The following ZNF891 variants were observed in gnomAD, a reference collection of about 807,000 sequenced individuals.
The protein encoded by ZNF891 is hCG1646157.
For missense variants in ZNF891, 589 were observed against 632.7 expected (o/e 0.93, Z 0.74); for synonymous variants, 199 against 209.0 (o/e 0.95, Z 0.41).
chr12:133,127,261 G>A (rs543930637), intron 1 of ZNF891, among the ~76,000 whole-genome samples: 3 of 151,956 alleles, frequency 2.0e-5, no homozygotes, highest in Admixed American at 6.6e-5. Context: ...CACGGTGCCC[G>A]GCCAGAAACT....
At chr12:133,128,040 A>G (rs756549461) in intron 1 of ZNF891, among the ~76,000 whole-genome samples, 1 of 152,366 alleles carries the variant, frequency 6.6e-6, no homozygotes, top group African/African-American at 2.4e-5. Context: ...CTACATTATA[A>G]TATTTGTAAA....
rs1019780053 is a variant in ZNF891 at position 133,119,985 on chromosome 12, T to G, written c.*299A>C. 3 of 222,430 alleles carry G rather than the reference T, an allele frequency of 1.3e-5. No homozygotes were observed. The highest frequency in any genetic ancestry group is 2.3e-5 in the African/African-American group (1 of 43,602). The allele number at this position is 222,430 out of a possible 1,614,324, so 13.8% of individuals were successfully genotyped here. A position where few individuals can be genotyped will look rare whatever the true frequency, so the allele number is the denominator to read the frequency against. Reference sequence around the variant, plus strand: ...AGTCTCACTGGGCCAGAAAACAACTTTTATAAAAACACCAACAAAGCAGTA... The same window carrying G: ...AGTCTCACTGGGCCAGAAAACAACTGTTATAAAAACACCAACAAAGCAGTA... On this transcript the variant is annotated 3_prime_UTR_variant, in exon 2 of 2. Transcript: ENST00000537226.
At position 133,104,980 on chromosome 12, in the gene ZNF891, G is replaced by A. The variant is rs1464419654; in HGVS notation, c.*15304C>T. ...CCACCCTCAAATAGGTCCCAGAAAA[G>A]ACATAATTATACCAAATATGAGCTT... On this transcript the variant is annotated 3_prime_UTR_variant, in exon 2 of 2. Transcript: ENST00000537226. Among the ~76,000 whole-genome samples, 1 of 152,040 alleles carries A rather than the reference G, an allele frequency of 6.6e-6. No individual in the cohort carries two copies. The highest frequency in any genetic ancestry group is 2.4e-5 in the African/African-American group (1 of 41,394).
intron 1 of ZNF891, among the ~76,000 whole-genome samples, chr12:133,128,088 A>G (rs1295326743): frequency 6.6e-6 from 1 of 152,226 alleles, no homozygotes; most frequent in Non-Finnish European, 1.5e-5. Context: ...GAAAGAAGGC[A>G]GCCAAAGTTC....
intron 1 of ZNF891, among the ~76,000 whole-genome samples, chr12:133,127,004 G>A (rs1326672168): frequency 1.0e-4 from 12 of 117,428 alleles, no homozygotes; most frequent in African/African-American, 3.8e-4. Context: ...AGACGGAGTC[G>A]CCCAAGCTGG....
rs1432450722 is a variant in ZNF891, at chr12:133,119,323, C to A, written c.*961G>T. ...CTTTGGGACGCCTAGGTGGGTGGATCACCTGAGGTCAGGAGTTTGAGACCA... is the reference window on the plus strand; with the variant it reads ...CTTTGGGACGCCTAGGTGGGTGGATAACCTGAGGTCAGGAGTTTGAGACCA... On this transcript the variant is annotated 3_prime_UTR_variant, in exon 2 of 2. Coordinates refer to ENST00000537226, the MANE Select transcript of ZNF891 (RefSeq NM_001277291.2). The A allele has an allele frequency of 6.6e-6, 1 of 152,142 alleles. No individual in the cohort carries two copies. Among genetic ancestry groups the A allele is most frequent in the African/African-American group, 2.4e-5 (1 of 41,426 alleles). The allele number at this position is 152,142 out of a possible 1,614,324, so 9.4% of individuals were successfully genotyped here. A position where few individuals can be genotyped will look rare whatever the true frequency, so the allele number is the denominator to read the frequency against.
At position 133,105,701 on chromosome 12, in the gene ZNF891, GTC is replaced by G; in HGVS notation, c.*14581_*14582del. 1 of 1,614,160 alleles carries G rather than the reference GTC, an allele frequency of 6.2e-7. No individual in the cohort carries two copies. Among genetic ancestry groups the G allele is most frequent in the African/African-American group, 1.3e-5 (1 of 75,048 alleles). ...TCAGGGATGTATTAGGAAAGTAACA[GTC>G]TCTCATCAAGAAGCCCTGGCTCAAC... On this transcript the variant is annotated 3_prime_UTR_variant, in exon 2 of 2. Transcript: ENST00000537226.
In ZNF891 at chr12:133,108,770, ATACT is replaced by A. The variant is rs1468683889; in HGVS notation, c.*11510_*11513del. The A allele has an allele frequency of 6.6e-6, 1 of 152,254 alleles. No homozygotes were observed. 9.4% of individuals were successfully genotyped at this position (152,254 alleles called of 1,614,324 possible). A position where few individuals can be genotyped will look rare whatever the true frequency, so the allele number is the denominator to read the frequency against. On this transcript the variant is annotated 3_prime_UTR_variant, in exon 2 of 2. Coordinates refer to ENST00000537226, the MANE Select transcript of ZNF891 (RefSeq NM_001277291.2). The stretch of plus-strand genomic sequence containing the variant: ...TGGGAATGCCTTCAATTACAATGCA[ATACT>A]TAAATTTTAATACTCTTGTAGGAGA...
At position 133,119,837 on chromosome 12, in the gene ZNF891, AC is replaced by A. The variant is rs1955738494; in HGVS notation, c.*446del. ...ATCAGCAAGAATGAATGATATGGCT[AC>A]CCTTAGCTACAAGAAGTCAAAGAAG... On this transcript the variant is annotated 3_prime_UTR_variant, in exon 2 of 2. Coordinates refer to ENST00000537226, the MANE Select transcript of ZNF891 (RefSeq NM_001277291.2). 6.3e-6 allele frequency: 1 copy of A among 158,208 alleles called. No individual in the cohort carries two copies. Among genetic ancestry groups the A allele is most frequent in the Admixed American group, 6.0e-5 (1 of 16,586 alleles). The allele number at this position is 158,208 out of a possible 1,614,324, so 9.8% of individuals were successfully genotyped here.
In ZNF891 at chr12:133,105,732, T is replaced by C. The variant is rs1477594831; in HGVS notation, c.*14552A>G. On this transcript the variant is annotated 3_prime_UTR_variant, in exon 2 of 2. Coordinates refer to ENST00000537226, the MANE Select transcript of ZNF891 (RefSeq NM_001277291.2). ...CATCAAGAAGCCCTGGCTCAACATA[T>C]GAATATCAGTACTGTGGAGAGGCCC... 4.3e-6 allele frequency: 7 copies of C among 1,614,020 alleles called. No individual in the cohort carries two copies. The highest frequency in any genetic ancestry group is 3.3e-5 in the Admixed American group (2 of 60,010).
chr12:133,106,751 G>A lies in ZNF891; in HGVS notation c.*13533C>T, dbSNP rs1955615714. The A allele has an allele frequency of 9.0e-7, 1 of 1,105,700 alleles. No homozygotes were observed. 68.5% of individuals were successfully genotyped at this position (1,105,700 alleles called of 1,614,324 possible). On this transcript the variant is annotated 3_prime_UTR_variant, in exon 2 of 2. Transcript: ENST00000537226. ...TCTTGGAAAGAAGCCTTATGTGAAA[G>A]TGATGACTGTGAAGTAATATGGCCC...
chr12:133,117,304 T>C lies in ZNF891; in HGVS notation c.*2980A>G, dbSNP rs1023336245. On this transcript the variant is annotated 3_prime_UTR_variant, in exon 2 of 2. Transcript: ENST00000537226. ...GTAGTTTTGTAGCTAAATACAATACTACTGTTAGCAAAACTGAAGATCTAT... is the reference window on the plus strand; with the variant it reads ...GTAGTTTTGTAGCTAAATACAATACCACTGTTAGCAAAACTGAAGATCTAT... The C allele has an allele frequency of 1.3e-5, 2 of 152,258 alleles. No individual in the cohort carries two copies. Among genetic ancestry groups the C allele is most frequent in the African/African-American group, 4.8e-5 (2 of 41,478 alleles). The allele number at this position is 152,258 out of a possible 1,614,324, so 9.4% of individuals were successfully genotyped here.
In ZNF891 at chr12:133,112,236, AC is replaced by A. The variant is rs66727731; in HGVS notation, c.*8047del. 94,266 of 151,752 alleles carry A rather than the reference AC, an allele frequency of 0.62. 30,594 individuals are homozygous for A. Among genetic ancestry groups the A allele is most frequent in the African/African-American group, 0.79 (32,693 of 41,414 alleles). The allele number at this position is 151,752 out of a possible 1,614,324, so 9.4% of individuals were successfully genotyped here. A position where few individuals can be genotyped will look rare whatever the true frequency, so the allele number is the denominator to read the frequency against. Reference sequence around the variant, plus strand: ...TAGAAAGCTCTTCCTCTGTCCCTCCACCCTCTGCCCATGGAGCCAGAAGAAG... The same window carrying A: ...TAGAAAGCTCTTCCTCTGTCCCTCCACCTCTGCCCATGGAGCCAGAAGAAG... On this transcript the variant is annotated 3_prime_UTR_variant, in exon 2 of 2. Coordinates refer to ENST00000537226, the MANE Select transcript of ZNF891 (RefSeq NM_001277291.2).
chr12:133,113,395 A>G lies in ZNF891; in HGVS notation c.*6889T>C, dbSNP rs956722198. ...GGTGTTATGTCTTTCCATATTTTCA[A>G]TGCACACACACATATTTATAACATG... On this transcript the variant is annotated 3_prime_UTR_variant, in exon 2 of 2. Coordinates refer to ENST00000537226, the MANE Select transcript of ZNF891 (RefSeq NM_001277291.2). The G allele has an allele frequency of 2.6e-5, 4 of 152,014 alleles. No homozygotes were observed. The highest frequency in any genetic ancestry group is 7.2e-5 in the African/African-American group (3 of 41,450). 9.4% of individuals were successfully genotyped at this position (152,014 alleles called of 1,614,324 possible).
At chr12:133,122,593 T>C (rs1406205281) in intron 1 of ZNF891, among the ~76,000 whole-genome samples, 1 of 152,164 alleles carries the variant, frequency 6.6e-6, no homozygotes, top group African/African-American at 2.4e-5. Context: ...CTGGGGCCTG[T>C]CGGGTGAGGG....
In ZNF891 at chr12:133,105,521, A is replaced by G; in HGVS notation, c.*14763T>C. 1 of 1,598,580 alleles carries G rather than the reference A, an allele frequency of 6.3e-7. No homozygotes were observed. ...TTGGTATCTTTCAGTTTCAGAGTCA[A>G]GTGGTGAGATCAAAGACTTTTCACC... On this transcript the variant is annotated 3_prime_UTR_variant, in exon 2 of 2. Transcript: ENST00000537226.
chr12:133,105,457 T>C lies in ZNF891; in HGVS notation c.*14827A>G. 1 of 1,485,208 alleles carries C rather than the reference T, an allele frequency of 6.7e-7. No homozygotes were observed. The highest frequency in any genetic ancestry group is 8.9e-7 in the Non-Finnish European group (1 of 1,117,646). 92.0% of individuals were successfully genotyped at this position (1,485,208 alleles called of 1,614,324 possible). A position where few individuals can be genotyped will look rare whatever the true frequency, so the allele number is the denominator to read the frequency against. ...GCTAAAGAAGGGAGAAATGGCCTTA[T>C]TTTATTCAATACAGGAAAAAGAAAC... On this transcript the variant is annotated 3_prime_UTR_variant, in exon 2 of 2. Transcript: ENST00000537226.
chr12:133,124,550 A>C (rs905400111), intron 1 of ZNF891, among the ~76,000 whole-genome samples: 2 of 151,876 alleles, frequency 1.3e-5, no homozygotes, highest in African/African-American at 4.8e-5. Context: ...ATCAAGAATA[A>C]TGTGTAAAAC....
At chr12:133,123,756 C>CA (rs112375570) in intron 1 of ZNF891, among the ~76,000 whole-genome samples, 17,605 of 80,932 alleles carry the variant, frequency 0.22, 2,209 homozygotes, top group African/African-American at 0.39. Flanking sequence ...ACAACAACAA[C>CA]AACAAAGTTA....
Sources: gnomAD v4.1 joint callset for allele counts (sites outside exome capture counted in the v4.1 genomes callset) on GRCh38, gnomAD v4.1.1 for gene constraint, MANE v1.5 for transcripts, NCBI Gene and HGNC (gene_info 2026-07-23, HGNC 2026-07-21) for gene names.